The following SPOCK3 variants were observed in gnomAD, a reference collection of about 807,000 sequenced individuals.
SPOCK3 encodes SPARC (osteonectin), cwcv and kazal like domains proteoglycan 3, also known as testican-3.
Under a neutral mutation model 56.6 loss-of-function variants are expected in SPOCK3, and 30 were observed. The ratio of observed to expected loss-of-function variants is 0.53; its 90% confidence interval spans 0.40 to 0.72. The LOEUF (loss-of-function observed/expected upper bound fraction) is 0.72. Among genes scored for constraint, SPOCK3 ranks in the 30% least tolerant of loss-of-function variants. The pLI is 0.00. For missense variants in SPOCK3, 527 were observed against 530.0 expected, an observed-to-expected ratio of 0.99 and a Z score of 0.06; for synonymous variants, 196 against 183.3, an observed-to-expected ratio of 1.07 and a Z score of -0.56.
At chr4:166,823,932 A>G (rs2126770011) in intron 6 of SPOCK3, among the ~76,000 whole-genome samples, 1 of 152,178 alleles carries the variant, frequency 6.6e-6, no homozygotes, top group East Asian at 1.9e-4. Context: ...TGCATAATCT[A>G]TCAAACCTCA....
chr4:167,177,885 TACC>T (rs1561295287), intron 2 of SPOCK3, among the ~76,000 whole-genome samples: 1 of 152,188 alleles, frequency 6.6e-6, no homozygotes, highest in Non-Finnish European at 1.5e-5. Context: ...GTCCAGCTCC[TACC>T]AATACTAAGA....
At chr4:166,969,681 G>C (rs775256971) in intron 4 of SPOCK3, among the ~76,000 whole-genome samples, 1 of 151,932 alleles carries the variant, frequency 6.6e-6, no homozygotes, top group Non-Finnish European at 1.5e-5. Flanking sequence ...CTCCTGTACA[G>C]CCTGTGGAAC....
intron 6 of SPOCK3, among the ~76,000 whole-genome samples, chr4:166,869,907 AATTG>A (rs536185592): frequency 6.6e-6 from 1 of 152,152 alleles, no homozygotes; most frequent in South Asian, 2.1e-4. Context: ...AATTTTTATT[AATTG>A]CTGGAGGCTG....
chr4:167,179,919 C>T lies in SPOCK3; in HGVS notation c.189+54066G>A, dbSNP rs867559464. On this transcript the variant is annotated intron_variant, in intron 2 of 10. Coordinates refer to ENST00000357545, the MANE Select transcript of SPOCK3 (RefSeq NM_001040159.2). ...AAATATAATGGTGAGAATTAAGTAA[C>T]TCACAGAATGGCAAATATGCCAGGA... is the stretch of plus-strand genomic sequence containing the variant. 2.6e-5 allele frequency among the ~76,000 whole-genome samples: 4 copies of T among 152,214 alleles called. No homozygotes were observed. The South Asian group carries it at 6.2e-4, about 24-fold the overall frequency.
At chr4:167,102,978 G>C in intron 2 of SPOCK3, among the ~76,000 whole-genome samples, 1 of 148,428 alleles carries the variant, frequency 6.7e-6, no homozygotes, top group East Asian at 2.0e-4. Flanking sequence ...GAGGGGAAAA[G>C]GGGGAAGAGT....
intron 4 of SPOCK3, among the ~76,000 whole-genome samples, chr4:166,966,630 C>T (rs917919537): frequency 5.3e-5 from 8 of 152,148 alleles, no homozygotes; most frequent in Non-Finnish European, 1.2e-4. Context: ...AATAAAATGA[C>T]TACAATCATC....
chr4:166,996,641 G>A (rs1197161387), intron 4 of SPOCK3, among the ~76,000 whole-genome samples: 1 of 152,090 alleles, frequency 6.6e-6, no homozygotes, highest in Non-Finnish European at 1.5e-5. Context: ...TAATGATAAA[G>A]GTAACAGAAA....
chr4:167,083,365 T>C, intron 2 of SPOCK3: 1 of 759,374 alleles, frequency 1.3e-6, no homozygotes, highest in Non-Finnish European at 2.4e-6. Context: ...CTGCAGTGAA[T>C]AACGAATTCA....
chr4:167,017,364 T>G (rs1750727134), intron 3 of SPOCK3, among the ~76,000 whole-genome samples: 1 of 152,092 alleles, frequency 6.6e-6, no homozygotes, highest in South Asian at 2.1e-4. Context: ...TTTGCACTTT[T>G]AAGGCCACCT....
intron 6 of SPOCK3, among the ~76,000 whole-genome samples, chr4:166,821,107 CTT>C (rs1390803380): frequency 6.6e-6 from 1 of 151,726 alleles, no homozygotes; most frequent in Non-Finnish European, 1.5e-5. Context: ...AATAAGGAGA[CTT>C]AAAATAATCC....
chr4:166,785,171 T>C (rs28427162), intron 7 of SPOCK3, among the ~76,000 whole-genome samples: 58,732 of 151,896 alleles, frequency 0.39, 12,394 homozygotes, highest in East Asian at 0.74. Context: ...TCGTAAAACA[T>C]ATTTTAAGAT....
chr4:166,812,274 C>A (rs1025663045), intron 6 of SPOCK3, among the ~76,000 whole-genome samples: 1 of 151,800 alleles, frequency 6.6e-6, no homozygotes, highest in African/African-American at 2.4e-5. Context: ...TATGAGATTA[C>A]CATTTAATAT....
intron 2 of SPOCK3, among the ~76,000 whole-genome samples, chr4:167,116,723 A>G (rs1761425046): frequency 7.4e-6 from 1 of 135,150 alleles, no homozygotes; most frequent in South Asian, 2.2e-4. Flanking sequence ...GTATATATGT[A>G]TATATACACA....
chr4:166,906,907 A>T (rs879393900), intron 5 of SPOCK3, among the ~76,000 whole-genome samples: 1 of 152,092 alleles, frequency 6.6e-6, no homozygotes, highest in Admixed American at 6.6e-5. Context: ...GACTTAGCTG[A>T]GTAACACTGG....
intron 4 of SPOCK3, among the ~76,000 whole-genome samples, chr4:166,915,177 G>C (rs1359062100): frequency 6.6e-6 from 1 of 152,044 alleles, no homozygotes; most frequent in African/African-American, 2.4e-5. Context: ...CATCATGGGA[G>C]AGATTTTTGC....
At chr4:166,979,291 T>A (rs993571369) in intron 4 of SPOCK3, among the ~76,000 whole-genome samples, 18 of 152,064 alleles carry the variant, frequency 1.2e-4, no homozygotes, top group African/African-American at 4.1e-4. Context: ...CCCCTCTTTC[T>A]CCTGCACCAT....
chr4:166,770,781 G>A (rs921373258), intron 7 of SPOCK3, among the ~76,000 whole-genome samples: 8 of 151,954 alleles, frequency 5.3e-5, no homozygotes, highest in South Asian at 2.1e-4. Flanking sequence ...TAAGAGACCC[G>A]TTTTAGATAT....
chr4:166,865,796 G>C (rs1329503429), intron 6 of SPOCK3, among the ~76,000 whole-genome samples: 1 of 152,072 alleles, frequency 6.6e-6, no homozygotes, highest in East Asian at 1.9e-4. Flanking sequence ...CAAACAAATG[G>C]AAAAACATTC....
chr4:166,798,461 T>C (rs1274291887), intron 6 of SPOCK3, among the ~76,000 whole-genome samples: 2 of 152,186 alleles, frequency 1.3e-5, no homozygotes, highest in Non-Finnish European at 2.9e-5. Context: ...AAACCAGTGA[T>C]GGTTATTGCT....
Sources: allele counts gnomAD v4.1 joint callset (sites outside exome capture counted in the v4.1 genomes callset), GRCh38; gene constraint gnomAD v4.1.1; transcripts MANE v1.5; gene names NCBI Gene and HGNC (gene_info 2026-07-23, HGNC 2026-07-21).